The following MCCC1 variants were observed in gnomAD, a reference collection of about 807,000 sequenced individuals.
The protein encoded by MCCC1 is methylcrotonyl-CoA carboxylase subunit 1.
A neutral mutation model predicts 83.8 loss-of-function variants in MCCC1; 64 were observed. That is an observed-to-expected ratio of 0.76 (90% confidence interval 0.62 to 0.94). The LOEUF is 0.94. Ranked by LOEUF, MCCC1 falls within the 40% of genes least tolerant of loss-of-function variation. The pLI is 0.00. For missense variants in MCCC1, 807 were observed against 904.7 expected (o/e 0.89, Z 1.39); for synonymous variants, 322 against 315.4 (o/e 1.02, Z -0.22).
intron 13 of MCCC1, among the ~76,000 whole-genome samples, chr3:183,035,721 A>G (rs1713521859): frequency 6.6e-6 from 1 of 152,104 alleles, no homozygotes; most frequent in South Asian, 2.1e-4. Context: ...AATAAAAGAG[A>G]AAAATAGATC....
At chr3:183,097,982 T>C (rs1369416580) in intron 1 of MCCC1, among the ~76,000 whole-genome samples, 2 of 152,258 alleles carry the variant, frequency 1.3e-5, no homozygotes, top group Non-Finnish European at 2.9e-5. Context: ...TGGCGTGATC[T>C]TAGCTCACTG....
intron 7 of MCCC1, among the ~76,000 whole-genome samples, chr3:183,061,375 G>C (rs1331063004): frequency 2.0e-5 from 3 of 152,162 alleles, no homozygotes; most frequent in African/African-American, 7.2e-5. Context: ...GATTTCTTCT[G>C]TTAGGGAGAA....
intron 4 of MCCC1, among the ~76,000 whole-genome samples, chr3:183,073,320 T>C (rs1244222165): frequency 1.3e-5 from 2 of 152,208 alleles, no homozygotes; most frequent in East Asian, 1.9e-4. Flanking sequence ...TTGTCTATTC[T>C]GTCTCTGTGT....
At chr3:183,057,500 G>A in intron 7 of MCCC1, 78 bp from the exon 8 acceptor site, 1 of 1,110,498 alleles carries the variant, frequency 9.0e-7, no homozygotes, top group Middle Eastern at 1.9e-4. Context: ...AAACTGTTAG[G>A]CACAATCACC....
At position 183,052,479 on chromosome 3, in the gene MCCC1, T is replaced by C. The variant is rs62293212; in HGVS notation, c.874-239A>G. On this transcript the variant is annotated intron_variant, in intron 8 of 18. Transcript: ENST00000265594. The stretch of plus-strand genomic sequence containing the variant: ...CTCATGTGTTTTGTGGTGAGGCTGG[T>C]GTCAACAAAACGACTTCACTGCCAT... Among the ~76,000 whole-genome samples, 9,032 of 152,218 alleles carry C rather than the reference T, an allele frequency of 0.059. 387 individuals carry two copies. Among genetic ancestry groups the C allele is most frequent in the Non-Finnish European group, 0.082 (5,589 of 68,010 alleles).
rs771446149 is a variant in MCCC1 at position 183,072,420 on chromosome 3, C to T, written c.437G>A (p.Gly146Glu). 2 of 1,613,834 alleles carry T rather than the reference C, an allele frequency of 1.2e-6. No individual in the cohort carries two copies. The highest frequency in any genetic ancestry group is 4.5e-5 in the East Asian group (2 of 44,862). ...TGGAGGAGGGCCTATAAAAATAATT[C>T]CTTCTTGCTTACAAAGTTCAGCAAA... ...MEFAELCKQE[G>E]IIFIGPPPSA... The change falls in exon 5 of 19, where the codon GGA becomes GAA. Residue 146 changes from glycine to glutamate, a missense_variant. Gly to Glu is a moderately conservative substitution (Grantham distance 98). Coordinates refer to ENST00000265594, the MANE Select transcript of MCCC1 (RefSeq NM_020166.5).
At chr3:183,063,047 G>C (rs1011517970) in intron 7 of MCCC1, among the ~76,000 whole-genome samples, 15 of 151,908 alleles carry the variant, frequency 9.9e-5, no homozygotes, top group African/African-American at 2.9e-4. Context: ...GCAGTGGTGT[G>C]ACCTAGGCTC....
intron 11 of MCCC1, among the ~76,000 whole-genome samples, chr3:183,039,538 A>G (rs1182548145): frequency 2.0e-5 from 3 of 152,162 alleles, no homozygotes; most frequent in Non-Finnish European, 4.4e-5. Flanking sequence ...AGCAAGTTTA[A>G]TAATTCCTCT....
chr3:183,024,026 G>A (rs1351784052), intron 15 of MCCC1, among the ~76,000 whole-genome samples: 7 of 152,140 alleles, frequency 4.6e-5, no homozygotes, highest in Admixed American at 2.0e-4. Context: ...CAAGGTGGGC[G>A]GATCACCTGG....
chr3:183,085,638 A>G (rs1181018835), intron 4 of MCCC1, among the ~76,000 whole-genome samples: 1 of 151,220 alleles, frequency 6.6e-6, no homozygotes, highest in East Asian at 1.9e-4. Flanking sequence ...TTTAAAAAAA[A>G]AAAAAAAAAA....
Position 183,041,730 on chromosome 3 carries a change from A to T in MCCC1, c.1104T>A (p.Ile368=). The change falls in exon 11 of 19, where the codon ATT becomes ATA. Residue 368 remains isoleucine (I), a synonymous_variant. Transcript: ENST00000265594. ...GAGTTATTTCTTCCTGGCTCAAAGGAATCTTCTCTCCTGCTGCAATCTGGC... is the reference window on the plus strand; with the variant it reads ...GAGTTATTTCTTCCTGGCTCAAAGGTATCTTCTCTCCTGCTGCAATCTGGC... The part of the protein sequence containing the change: ...WQLRIAAGEK[I]PLSQEEITLQ... The T allele has an allele frequency of 6.2e-7, 1 of 1,614,172 alleles. No homozygotes were observed. Among genetic ancestry groups the T allele is most frequent in the Non-Finnish European group, 8.5e-7 (1 of 1,180,022 alleles).
At chr3:183,056,733 G>A (rs1715447618) in intron 8 of MCCC1, among the ~76,000 whole-genome samples, 1 of 152,066 alleles carries the variant, frequency 6.6e-6, no homozygotes, top group South Asian at 2.1e-4. Context: ...TGCTCTTGTT[G>A]CCCAGGCTGG....
At chr3:183,094,405 C>A (rs1718590601) in intron 2 of MCCC1, among the ~76,000 whole-genome samples, 154 bp downstream of exon 2, 1 of 152,116 alleles carries the variant, frequency 6.6e-6, no homozygotes, top group African/African-American at 2.4e-5. Flanking sequence ...GAGGTGAAAA[C>A]CATGACTTAA....
intron 4 of MCCC1, among the ~76,000 whole-genome samples, chr3:183,085,423 A>G (rs951377502): frequency 2.6e-5 from 4 of 152,110 alleles, no homozygotes; most frequent in African/African-American, 9.7e-5. Context: ...TGAGCCTAGG[A>G]GTTCAACACC....
intron 9 of MCCC1, among the ~76,000 whole-genome samples, chr3:183,050,500 T>C (rs1714884179): frequency 6.6e-6 from 1 of 151,824 alleles, no homozygotes; most frequent in South Asian, 2.1e-4. Flanking sequence ...GTCAAGAGTT[T>C]GAGATCAGCC....
At chr3:183,046,389 G>C (rs944163925) in intron 9 of MCCC1, among the ~76,000 whole-genome samples, 46 of 132,914 alleles carry the variant, frequency 3.5e-4, no homozygotes, top group African/African-American at 1.3e-3. Flanking sequence ...CCCATTAGTG[G>C]ATTTTAAAAT....
chr3:183,042,285 T>C (rs10513789), intron 10 of MCCC1, among the ~76,000 whole-genome samples: 1 of 152,250 alleles, frequency 6.6e-6, no homozygotes, highest in East Asian at 1.9e-4. Flanking sequence ...TATGTTGATA[T>C]GTACTGCATG....
chr3:183,039,607 A>G (rs10937111), intron 11 of MCCC1, among the ~76,000 whole-genome samples: 136,870 of 152,220 alleles, frequency 0.9, 61,849 homozygotes, highest in East Asian at 1. Flanking sequence ...ACCTGGCAAA[A>G]CTGATAAACC....
At chr3:183,037,488 A>G in intron 12 of MCCC1, 54 bp from the exon 13 acceptor site, 1 of 1,406,616 alleles carries the variant, frequency 7.1e-7, no homozygotes, top group East Asian at 2.3e-5. Flanking sequence ...CAATATGTTC[A>G]GAAAACCATC....
Sources: gnomAD v4.1 joint callset for allele counts (sites outside exome capture counted in the v4.1 genomes callset) on GRCh38, gnomAD v4.1.1 for gene constraint, MANE v1.5 for transcripts, NCBI Gene and HGNC (gene_info 2026-07-23, HGNC 2026-07-21) for gene names.